Variants in CPA6 observed in about 807,000 individuals in gnomAD.
CPA6 encodes the protein carboxypeptidase A6.
In CPA6, 58 loss-of-function variants were observed where a neutral mutation model predicts 63.3. The ratio of observed to expected loss-of-function variants is 0.92; its 90% CI spans 0.74 to 1.14. The LOEUF is 1.14. Ranked by LOEUF, CPA6 falls within the 50% of genes most tolerant of loss-of-function variation. CPA6 has a pLI of 0.00. For missense variants in CPA6, 565 were observed against 526.6 expected, an observed-to-expected ratio of 1.07 and a Z score of -0.71; for synonymous variants, 185 against 179.0, an observed-to-expected ratio of 1.03 and a Z score of -0.27.
chr8:67,678,145 T>C (rs1816516884), intron 1 of CPA6, among the ~76,000 whole-genome samples: 1 of 151,408 alleles, frequency 6.6e-6, no homozygotes, highest in Non-Finnish European at 1.5e-5. Flanking sequence ...GGAGAATCAC[T>C]TGAGCCTGGG....
chr8:67,456,507 C>G (rs1220765568), intron 8 of CPA6, among the ~76,000 whole-genome samples: 1 of 152,220 alleles, frequency 6.6e-6, no homozygotes, highest in Non-Finnish European at 1.5e-5. Context: ...TGACCCCAGG[C>G]TCTTCTTCAG....
intron 2 of CPA6, among the ~76,000 whole-genome samples, chr8:67,590,252 G>C (rs1432703481): frequency 6.6e-6 from 1 of 151,040 alleles, no homozygotes; most frequent in Admixed American, 6.6e-5. Flanking sequence ...GTATTCCATG[G>C]TGTATATGTG....
chr8:67,455,731 T>C (rs1810662081), intron 8 of CPA6, among the ~76,000 whole-genome samples: 1 of 151,770 alleles, frequency 6.6e-6, no homozygotes, highest in African/African-American at 2.4e-5. Context: ...TGTTTGTTTT[T>C]TGTTTTTTAA....
At chr8:67,534,709 AAT>A (rs1812547941) in intron 2 of CPA6, among the ~76,000 whole-genome samples, 1 of 152,098 alleles carries the variant, frequency 6.6e-6, no homozygotes, top group Admixed American at 6.5e-5. Flanking sequence ...TGCTTTGAAA[AAT>A]ATCTTTTTTT....
intron 8 of CPA6, among the ~76,000 whole-genome samples, chr8:67,461,426 T>C (rs1810803527): frequency 1.3e-5 from 2 of 149,934 alleles, no homozygotes; most frequent in South Asian, 4.3e-4. Context: ...TTTATCTTAG[T>C]ACAGAACAAA....
chr8:67,447,049 CACACACATATATAT>C (rs1380232190), intron 8 of CPA6, among the ~76,000 whole-genome samples: 1 of 89,138 alleles, frequency 1.1e-5, no homozygotes, highest in Non-Finnish European at 2.2e-5. Context: ...TATATATATA[CACACACATATATAT>C]ACACACATAT....
chr8:67,493,170 T>C (rs1030402690), intron 6 of CPA6, among the ~76,000 whole-genome samples: 6 of 152,338 alleles, frequency 3.9e-5, no homozygotes, highest in Admixed American at 6.5e-5. Flanking sequence ...CTCAATTATT[T>C]ATTCCCTGTT....
chr8:67,655,033 C>T (rs1587674994), intron 1 of CPA6, among the ~76,000 whole-genome samples: 1 of 152,142 alleles, frequency 6.6e-6, no homozygotes, highest in African/African-American at 2.4e-5. Flanking sequence ...AGCATACAGG[C>T]ATTCTTTGAA....
chr8:67,529,475 T>C (rs1049462681), intron 2 of CPA6, among the ~76,000 whole-genome samples: 5 of 152,106 alleles, frequency 3.3e-5, no homozygotes, highest in Non-Finnish European at 7.4e-5. Context: ...AGAGACAATA[T>C]GAAAATCTGA....
At chr8:67,496,410 GCTT>G (rs946775904) in intron 6 of CPA6, among the ~76,000 whole-genome samples, 35 of 150,718 alleles carry the variant, frequency 2.3e-4, no homozygotes, top group African/African-American at 8.0e-4. Flanking sequence ...AAAAATAACA[GCTT>G]TTTTGGGATA....
At chr8:67,561,263 G>A (rs1230418832) in intron 2 of CPA6, among the ~76,000 whole-genome samples, 6 of 152,084 alleles carry the variant, frequency 3.9e-5, no homozygotes, top group South Asian at 2.1e-4. Context: ...AATGAGGAAC[G>A]GGACAAAATA....
chr8:67,506,774 G>A lies in CPA6; in HGVS notation c.636+13C>T, dbSNP rs1182688691. 5.2e-6 allele frequency: 8 copies of A among 1,545,298 alleles called. No homozygotes were observed. Among genetic ancestry groups the A allele is most frequent in the Non-Finnish European group, 6.3e-6 (7 of 1,117,442 alleles). ...CTAGCTGAAATGGACATTGTGTAAA[G>A]GGTTTAACTTACTTCTTTTACAAAC... On this transcript the variant is annotated intron_variant, in intron 6 of 10. Coordinates refer to ENST00000297770, the MANE Select transcript of CPA6 (RefSeq NM_020361.5).
At position 67,501,763 on chromosome 8, in the gene CPA6, T is replaced by C. The variant is rs572540379; in HGVS notation, c.636+5024A>G. On this transcript the variant is annotated intron_variant, in intron 6 of 10. Coordinates refer to ENST00000297770, the MANE Select transcript of CPA6 (RefSeq NM_020361.5). ...TGGTATCAGGCTTCATAAAAAGAAT[T>C]GGAAGTGTTCCAACCTCGTCTATTT... Among the ~76,000 whole-genome samples the C allele has an allele frequency of 3.3e-5, 5 of 152,340 alleles. No homozygotes were observed. In the South Asian group the frequency reaches 1.0e-3, roughly 32 times the overall value.
chr8:67,596,065 G>A (rs563654056), intron 2 of CPA6, among the ~76,000 whole-genome samples: 3 of 152,304 alleles, frequency 2.0e-5, no homozygotes, highest in South Asian at 2.1e-4. Flanking sequence ...GTTTTTAAAC[G>A]TTATCATCTA....
At chr8:67,633,956 T>A (rs1032217339) in intron 1 of CPA6, among the ~76,000 whole-genome samples, 2 of 152,000 alleles carry the variant, frequency 1.3e-5, no homozygotes, top group Non-Finnish European at 2.9e-5. Context: ...TTGCATATTG[T>A]GTCTAAGTGC....
In CPA6 at chr8:67,524,141, T is replaced by C. The variant is rs1230831579; in HGVS notation, c.193-6094A>G. Reference sequence around the variant, plus strand: ...TTTGGGCTGCACCCATTTAGCTTTCTTGGATCTTCGTTTAGGATCTTTTGC... The same window carrying C: ...TTTGGGCTGCACCCATTTAGCTTTCCTGGATCTTCGTTTAGGATCTTTTGC... On this transcript the variant is annotated intron_variant, in intron 2 of 10. Transcript: ENST00000297770. Among the ~76,000 whole-genome samples, 4 of 152,352 alleles carry C rather than the reference T, an allele frequency of 2.6e-5. 1 individual carries two copies. In the South Asian group the frequency reaches 6.2e-4, roughly 24 times the overall value.
chr8:67,642,887 A>G (rs1256682911), intron 1 of CPA6, among the ~76,000 whole-genome samples: 2 of 152,112 alleles, frequency 1.3e-5, no homozygotes, highest in African/African-American at 4.8e-5. Context: ...TAAGAAGAAA[A>G]CATAAATTAT....
chr8:67,579,832 A>G (rs1415620970), intron 2 of CPA6, among the ~76,000 whole-genome samples: 1 of 152,366 alleles, frequency 6.6e-6, no homozygotes, highest in East Asian at 1.9e-4. Context: ...CACATTGGCT[A>G]TGGCTGCTTT....
At chr8:67,437,566 G>T (rs1810189808) in intron 8 of CPA6, among the ~76,000 whole-genome samples, 1 of 152,144 alleles carries the variant, frequency 6.6e-6, no homozygotes. Context: ...GAGAAAACAA[G>T]AATTTACAAT....
Sources: allele counts gnomAD v4.1 joint callset (sites outside exome capture counted in the v4.1 genomes callset), GRCh38; gene constraint gnomAD v4.1.1; transcripts MANE v1.5; gene names NCBI Gene and HGNC (gene_info 2026-07-23, HGNC 2026-07-21).